IMMP2L: variants seen among roughly 807,000 people sequenced by gnomAD.
IMMP2L encodes the protein mitochondrial inner membrane protease subunit 2.
In IMMP2L, 18 loss-of-function variants were observed where a neutral mutation model predicts 19.3. The ratio of observed to expected loss-of-function variants is 0.93; its 90% CI spans 0.64 to 1.38. The LOEUF is 1.38. Ranked by LOEUF, IMMP2L falls within the 40% of genes most tolerant of loss-of-function variation. The pLI is 0.00. For missense variants in IMMP2L, 233 were observed against 218.2 expected (o/e 1.07, Z -0.43); for synonymous variants, 76 against 73.0 (o/e 1.04, Z -0.21).
chr7:111,085,350 T>C (rs1796226604), intron 3 of IMMP2L, among the ~76,000 whole-genome samples: 1 of 152,234 alleles, frequency 6.6e-6, no homozygotes, highest in Non-Finnish European at 1.5e-5. Context: ...TGAACTAATT[T>C]ACACTCCCAA....
intron 2 of IMMP2L, among the ~76,000 whole-genome samples, chr7:111,493,696 C>T (rs1473421549): frequency 1.4e-5 from 2 of 138,884 alleles, no homozygotes; most frequent in Non-Finnish European, 3.1e-5. Context: ...CAGAGCAAGA[C>T]TCCGTCTCAA....
At chr7:111,048,784 T>C (rs935453852) in intron 3 of IMMP2L, among the ~76,000 whole-genome samples, 13 of 152,100 alleles carry the variant, frequency 8.5e-5, no homozygotes, top group Non-Finnish European at 1.6e-4. Context: ...TAGGAAGAAG[T>C]GACCATAAAT....
chr7:110,965,636 G>T (rs928631317), intron 3 of IMMP2L, among the ~76,000 whole-genome samples: 1 of 151,664 alleles, frequency 6.6e-6, no homozygotes, highest in Non-Finnish European at 1.5e-5. Flanking sequence ...CTCTCTGCAG[G>T]GTTACTTATA....
chr7:111,063,754 G>C (rs1794240391), intron 3 of IMMP2L, among the ~76,000 whole-genome samples: 2 of 152,128 alleles, frequency 1.3e-5, no homozygotes, highest in Admixed American at 6.5e-5. Context: ...CAGTCTCTTT[G>C]CTAAAACATA....
intron 3 of IMMP2L, among the ~76,000 whole-genome samples, chr7:111,144,641 C>A (rs181572024): frequency 2.6e-5 from 4 of 152,106 alleles, no homozygotes; most frequent in Admixed American, 2.6e-4. Flanking sequence ...CCACGGGGGA[C>A]AGAAATTCTA....
At chr7:110,744,780 A>G (rs547798626) in intron 5 of IMMP2L, among the ~76,000 whole-genome samples, 11 of 152,324 alleles carry the variant, frequency 7.2e-5, no homozygotes, top group South Asian at 2.1e-4. Context: ...AGATAAATCC[A>G]TGAAGGTGGG....
chr7:110,855,487 G>GT (rs1297545185), intron 5 of IMMP2L, among the ~76,000 whole-genome samples: 1 of 151,900 alleles, frequency 6.6e-6, no homozygotes, highest in Admixed American at 6.6e-5. Flanking sequence ...ACTTCATTTC[G>GT]TAAGACTGAT....
chr7:111,213,252 A>T lies in IMMP2L; in HGVS notation c.240-249687T>A, dbSNP rs1456944729. Among the ~76,000 whole-genome samples, 2 of 152,186 alleles carry T rather than the reference A, an allele frequency of 1.3e-5. No homozygotes were observed. The highest frequency in any genetic ancestry group is 2.9e-5 in the Non-Finnish European group (2 of 68,036). ...GCTGTCACAATCAGGCTGAGTGTGCACACAATAAGGGCAGCACTGACATAC... is the reference window on the plus strand; with the variant it reads ...GCTGTCACAATCAGGCTGAGTGTGCTCACAATAAGGGCAGCACTGACATAC... On this transcript the variant is annotated intron_variant, in intron 3 of 5. Coordinates refer to ENST00000405709, the MANE Select transcript of IMMP2L (RefSeq NM_032549.4). The surrounding 1 kb of genome is among the most constrained non-coding windows in gnomAD (Gnocchi z 4.8).
At chr7:111,462,828 T>C (rs1373005901) in intron 3 of IMMP2L, among the ~76,000 whole-genome samples, 4 of 152,156 alleles carry the variant, frequency 2.6e-5, no homozygotes, top group Non-Finnish European at 5.9e-5. Flanking sequence ...ATCAGTATTT[T>C]ACATCAGTTG....
chr7:111,186,980 T>C (rs1369352406), intron 3 of IMMP2L, among the ~76,000 whole-genome samples: 2 of 152,020 alleles, frequency 1.3e-5, no homozygotes, highest in Non-Finnish European at 1.5e-5. Context: ...GTCTCCCCAG[T>C]ACAGTATAAA....
At chr7:111,275,214 A>G (rs937828158) in intron 3 of IMMP2L, among the ~76,000 whole-genome samples, 1 of 152,114 alleles carries the variant, frequency 6.6e-6, no homozygotes, top group Non-Finnish European at 1.5e-5. Flanking sequence ...CACATTGCCC[A>G]CTCATAAGAG....
intron 5 of IMMP2L, among the ~76,000 whole-genome samples, chr7:110,668,025 A>G (rs1791581774): frequency 6.6e-6 from 1 of 151,924 alleles, no homozygotes; most frequent in Admixed American, 6.6e-5. Context: ...AACATGCTAT[A>G]TTCTCTTGTG....
intron 3 of IMMP2L, among the ~76,000 whole-genome samples, chr7:111,104,851 A>C (rs1318133908): frequency 6.6e-6 from 1 of 151,814 alleles, no homozygotes; most frequent in Non-Finnish European, 1.5e-5. Flanking sequence ...CGAGAGGGTC[A>C]TGGCTTCTAG....
chr7:110,674,048 A>G (rs1263078510), intron 5 of IMMP2L, among the ~76,000 whole-genome samples: 2 of 152,234 alleles, frequency 1.3e-5, no homozygotes, highest in Admixed American at 1.3e-4. Flanking sequence ...GCTGCTAATA[A>G]AGACCTACTT....
intron 2 of IMMP2L, among the ~76,000 whole-genome samples, chr7:111,501,518 C>T (rs1282766139): frequency 6.6e-6 from 1 of 152,084 alleles, no homozygotes; most frequent in Non-Finnish European, 1.5e-5. Context: ...AGACACATAA[C>T]TGTCACATTC....
At chr7:110,906,597 G>T (rs1017652706) in intron 4 of IMMP2L, among the ~76,000 whole-genome samples, 1 of 152,234 alleles carries the variant, frequency 6.6e-6, no homozygotes, top group African/African-American at 2.4e-5. Flanking sequence ...TCGGAACACA[G>T]ACTCTGGATG....
intron 3 of IMMP2L, among the ~76,000 whole-genome samples, chr7:111,210,439 CTT>C (rs894390785): frequency 6.6e-6 from 1 of 152,120 alleles, no homozygotes; most frequent in Non-Finnish European, 1.5e-5. Flanking sequence ...AGGTAGAAGT[CTT>C]TTCAACTAGG....
intron 3 of IMMP2L, among the ~76,000 whole-genome samples, chr7:111,066,953 C>G (rs972893827): frequency 2.0e-5 from 3 of 152,188 alleles, no homozygotes; most frequent in African/African-American, 7.2e-5. Flanking sequence ...TCAGTACAAA[C>G]TGTGAACCCC....
chr7:111,285,942 G>C (rs531904519), intron 3 of IMMP2L, among the ~76,000 whole-genome samples: 2 of 152,148 alleles, frequency 1.3e-5, no homozygotes, highest in African/African-American at 4.8e-5. Flanking sequence ...TGGTAGGGGG[G>C]TTATGTATGA....
Sources: gnomAD v4.1 joint callset for allele counts (sites outside exome capture counted in the v4.1 genomes callset) on GRCh38, gnomAD v4.1.1 for gene constraint, Gnocchi (gnomAD v3.1) non-coding constraint, MANE v1.5 for transcripts, NCBI Gene and HGNC (gene_info 2026-07-23, HGNC 2026-07-21) for gene names.